Variants in PAN3 observed in about 807,000 individuals in gnomAD.
PAN3 encodes poly(A) specific ribonuclease subunit PAN3.
A neutral mutation model predicts 96.2 loss-of-function variants in PAN3; 19 were observed. That is an observed-to-expected ratio of 0.20 (90% CI 0.14 to 0.29). The LOEUF is 0.29. Among genes scored for constraint, PAN3 ranks in the 10% least tolerant of loss-of-function variants. The pLI, the probability that PAN3 is intolerant of heterozygous loss-of-function variation, is 1.00. For synonymous variants in PAN3, 433 were observed against 406.6 expected (o/e 1.06, Z -0.78); for missense variants, 882 against 1,108.1 (o/e 0.80, Z 2.90).
At chr13:28,218,336 T>C (rs902415265) in intron 5 of PAN3, among the ~76,000 whole-genome samples, 3 of 152,138 alleles carry the variant, frequency 2.0e-5, no homozygotes, top group Non-Finnish European at 2.9e-5. Context: ...ACATAATTAT[T>C]TTTTCTGCCA....
At chr13:28,144,095 A>G (rs1459021551) in intron 1 of PAN3, among the ~76,000 whole-genome samples, 1 of 152,156 alleles carries the variant, frequency 6.6e-6, no homozygotes, top group African/African-American at 2.4e-5. Context: ...AGCTCTGATT[A>G]AGGTGATAGG....
At chr13:28,179,707 CAAA>C (rs749443652) in intron 4 of PAN3, among the ~76,000 whole-genome samples, 1 of 81,120 alleles carries the variant, frequency 1.2e-5, no homozygotes, top group Non-Finnish European at 2.8e-5. Flanking sequence ...CTGTCTCAGA[CAAA>C]AAAAAAAAAA....
chr13:28,167,673 C>CAAAAAAAAAAA (rs1166063021), intron 1 of PAN3, among the ~76,000 whole-genome samples: 1 of 61,340 alleles, frequency 1.6e-5, no homozygotes. Flanking sequence ...CCTGTCTCTA[C>CAAAAAAAAAAA]AAAAAAAAAA....
At chr13:28,220,154 G>A in intron 5 of PAN3, 77 bp from the exon 6 acceptor site, 1 of 1,373,346 alleles carries the variant, frequency 7.3e-7, no homozygotes, top group East Asian at 2.4e-5. Context: ...ATAAAGCACT[G>A]TGGAATATGC....
intron 5 of PAN3, among the ~76,000 whole-genome samples, chr13:28,216,217 G>GT (rs1880744312): frequency 6.6e-6 from 1 of 150,926 alleles, no homozygotes; most frequent in East Asian, 1.9e-4. Context: ...AAAAAGCCAG[G>GT]TAAAAAATAC....
At position 28,138,687 on chromosome 13, in the gene PAN3, C is replaced by T. The variant is rs1309086301; in HGVS notation, c.30C>T (p.Pro10=). The T allele has an allele frequency of 3.2e-5, 32 of 994,174 alleles. No homozygotes were observed. The highest frequency in any genetic ancestry group is 4.0e-5 in the Non-Finnish European group (30 of 746,484). The allele number at this position is 994,174 out of a possible 1,614,324, so 61.6% of individuals were successfully genotyped here. ...ACAGTGGCGGCGGCCTCCCGCCCCC[C>T]TCGGCCGCCGCCTCCCCTTCCTCCT... is the stretch of plus-strand genomic sequence containing the variant. MNSGGGLPP[P]SAAASPSSSS... The change falls in exon 1 of 19, where the codon CCC becomes CCT. Residue 10 remains proline, a synonymous_variant. Coordinates refer to ENST00000380958, the MANE Select transcript of PAN3 (RefSeq NM_175854.8).
intron 7 of PAN3, among the ~76,000 whole-genome samples, chr13:28,258,078 G>T (rs2138600051): frequency 6.6e-6 from 1 of 152,106 alleles, no homozygotes; most frequent in South Asian, 2.1e-4. Flanking sequence ...CTTGGCCTCT[G>T]AAGTGCCGGG....
chr13:28,162,731 T>TA (rs958527200), intron 1 of PAN3, among the ~76,000 whole-genome samples: 4 of 151,230 alleles, frequency 2.6e-5, no homozygotes, highest in African/African-American at 2.4e-5. Context: ...GTAGTCCCAG[T>TA]ACTTTGAGGG....
chr13:28,283,460 TC>T (rs1374999212), intron 17 of PAN3, among the ~76,000 whole-genome samples: 2 of 152,192 alleles, frequency 1.3e-5, no homozygotes, highest in East Asian at 3.8e-4. Context: ...ATACCTGACA[TC>T]CCCAATATCT....
chr13:28,211,505 CAAAACTTGAAA>C (rs917627680), intron 5 of PAN3, among the ~76,000 whole-genome samples: 2 of 152,114 alleles, frequency 1.3e-5, no homozygotes, highest in African/African-American at 4.8e-5. Context: ...GAAAGCACAA[CAAAACTTGAAA>C]AACCGACTTT....
chr13:28,258,672 C>G (rs756994297), intron 7 of PAN3, among the ~76,000 whole-genome samples: 4 of 152,088 alleles, frequency 2.6e-5, no homozygotes, highest in African/African-American at 4.8e-5. Flanking sequence ...CCTTTAGTTT[C>G]TCCTTCCTTC....
chr13:28,277,086 C>A, intron 14 of PAN3, 151 bp from the exon 15 acceptor site: 1 of 760,986 alleles, frequency 1.3e-6, no homozygotes, highest in South Asian at 2.1e-5. Flanking sequence ...TTTTAATAAG[C>A]TCCAGGTTAT....
At chr13:28,178,997 A>G (rs1875416973) in intron 4 of PAN3, among the ~76,000 whole-genome samples, 1 of 151,336 alleles carries the variant, frequency 6.6e-6, no homozygotes. Context: ...AAAGTTATGA[A>G]GACTGATATA....
At chr13:28,207,261 A>G (rs1418042070) in intron 5 of PAN3, among the ~76,000 whole-genome samples, 1 of 152,164 alleles carries the variant, frequency 6.6e-6, no homozygotes, top group Non-Finnish European at 1.5e-5. Flanking sequence ...ATCCTTCAGC[A>G]ACTAAGATCT....
chr13:28,177,213 G>GAT (rs1875133542), intron 3 of PAN3, among the ~76,000 whole-genome samples: 2 of 151,978 alleles, frequency 1.3e-5, no homozygotes, highest in African/African-American at 4.8e-5. Context: ...AAATAATTAA[G>GAT]ATATATAATT....
At chr13:28,157,287 G>T (rs900008441) in intron 1 of PAN3, among the ~76,000 whole-genome samples, 3 of 151,942 alleles carry the variant, frequency 2.0e-5, no homozygotes, top group African/African-American at 7.2e-5. Context: ...ATGGGCAAAA[G>T]CTTGAGAACT....
chr13:28,213,657 T>G (rs1880332200), intron 5 of PAN3, among the ~76,000 whole-genome samples: 1 of 150,400 alleles, frequency 6.6e-6, no homozygotes, highest in Admixed American at 6.6e-5. Flanking sequence ...TACCATTTCT[T>G]GTGAGTCTCA....
intron 6 of PAN3, among the ~76,000 whole-genome samples, chr13:28,251,006 CTTTA>C (rs1164555572): frequency 8.6e-5 from 13 of 151,892 alleles, no homozygotes; most frequent in African/African-American, 2.2e-4. Flanking sequence ...TTCCTCAGAT[CTTTA>C]TTTATTTATT....
intron 6 of PAN3, 127 bp from the exon 7 acceptor site, chr13:28,256,165 T>G: frequency 4.0e-6 from 4 of 1,001,376 alleles, no homozygotes; most frequent in Non-Finnish European, 5.9e-6. Context: ...AATTATTTCC[T>G]TCATCTTTGC....
Sources: gnomAD v4.1 joint callset for allele counts (sites outside exome capture counted in the v4.1 genomes callset) on GRCh38, gnomAD v4.1.1 for gene constraint, MANE v1.5 for transcripts, NCBI Gene and HGNC (gene_info 2026-07-23, HGNC 2026-07-21) for gene names.